Variants in RYR1 observed in about 807,000 individuals in gnomAD.
RYR1 encodes central core disease of muscle.
In RYR1, 342 loss-of-function variants were observed where a neutral mutation model predicts 583.5. The ratio of observed to expected loss-of-function variants is 0.59; its 90% CI spans 0.54 to 0.64. The LOEUF (loss-of-function observed/expected upper bound fraction) is 0.64. Ranked by LOEUF, RYR1 falls within the 30% of genes least tolerant of loss-of-function variation. The probability of loss-of-function intolerance (pLI) is 0.00; values close to 1 mark genes in which losing one functional copy is unlikely to be tolerated. For synonymous variants in RYR1, 2,791 were observed against 2,822.5 expected, an observed-to-expected ratio of 0.99 and a Z score of 0.35; for missense variants, 6,032 against 6,917.2, an observed-to-expected ratio of 0.87 and a Z score of 4.54.
chr19:38,544,129 C>T (rs1477136438), intron 87 of RYR1, among the ~76,000 whole-genome samples: 3 of 152,206 alleles, frequency 2.0e-5, no homozygotes, highest in African/African-American at 4.8e-5. Context: ...GTGTTGGCCC[C>T]GTCCCAATGG....
At chr19:38,506,577 C>T (rs1387671815) in intron 56 of RYR1, 31 bp downstream of exon 56, 1 of 1,610,322 alleles carries the variant, frequency 6.2e-7, no homozygotes, top group Admixed American at 1.7e-5. Context: ...CCCACGCTAC[C>T]CCCGTGGATT....
chr19:38,532,388 G>A (rs1971775781), intron 76 of RYR1, 102 bp from the exon 77 acceptor site: 1 of 1,151,510 alleles, frequency 8.7e-7, no homozygotes, highest in African/African-American at 1.5e-5. Context: ...CTCCCAGAGT[G>A]TTGGGATTAC....
At chr19:38,481,387 A>G (rs769599636) in intron 31 of RYR1, among the ~76,000 whole-genome samples, 2 of 151,924 alleles carry the variant, frequency 1.3e-5, no homozygotes, top group Non-Finnish European at 2.9e-5. Flanking sequence ...TCCACCTCCC[A>G]TGTAATCCCA....
At chr19:38,446,365 C>T in intron 7 of RYR1, 107 bp from the exon 8 acceptor site, 2 of 830,994 alleles carry the variant, frequency 2.4e-6, no homozygotes, top group Non-Finnish European at 4.1e-6. Flanking sequence ...CCAAACTCAG[C>T]CCTCAGGTTC....
At chr19:38,514,246 A>C (rs373385255) in intron 63 of RYR1, among the ~76,000 whole-genome samples, 2 of 151,536 alleles carry the variant, frequency 1.3e-5, no homozygotes, top group South Asian at 4.2e-4. Flanking sequence ...CCTGGGCAAC[A>C]TACTGAGACC....
chr19:38,483,233 TGTG>T lies in RYR1; in HGVS notation c.4708-52_4708-50del. 2 of 1,579,370 alleles carry T rather than the reference TGTG, an allele frequency of 1.3e-6. No homozygotes were observed. The highest frequency in any genetic ancestry group is 1.7e-6 in the Non-Finnish European group (2 of 1,159,416). Reference sequence around the variant, plus strand: ...ATCCAAGAGGTCTCCCTGGAAGTGGTGTGGTGGGACAGAGGGGGCTGGCCATCT... The same window carrying T: ...ATCCAAGAGGTCTCCCTGGAAGTGGTGTGGGACAGAGGGGGCTGGCCATCT... On this transcript the variant is annotated intron_variant, in intron 32 of 105. Coordinates refer to ENST00000359596, the MANE Select transcript of RYR1 (RefSeq NM_000540.3). The surrounding 1 kb of genome is among the most constrained non-coding windows in gnomAD (Gnocchi z 6.3).
At chr19:38,517,752 A>G in intron 66 of RYR1, 61 bp downstream of exon 66, 1 of 1,519,724 alleles carries the variant, frequency 6.6e-7, no homozygotes, top group Non-Finnish European at 9.1e-7. Context: ...CCCTTGGCAG[A>G]TGGTCTGAAA....
In RYR1 at chr19:38,543,340, TC is replaced by T; in HGVS notation, c.11690-3del. 5 of 1,613,976 alleles carry T rather than the reference TC, an allele frequency of 3.1e-6. No homozygotes were observed. Among genetic ancestry groups the T allele is most frequent in the Non-Finnish European group, 4.2e-6 (5 of 1,179,842 alleles). ...GGTGCTGGATAAATGACTTTTCATC[TC>T]CCCAGATTTCCAGAACTACCTACGG... is the stretch of plus-strand genomic sequence containing the variant. On this transcript the variant is annotated splice_region_variant and splice_polypyrimidine_tract_variant and intron_variant, in intron 84 of 105. Coordinates refer to ENST00000359596, the MANE Select transcript of RYR1 (RefSeq NM_000540.3). This position sits in a 1 kb window ranked among gnomAD's most constrained non-coding sequence, Gnocchi z 4.4.
rs1315117871 is a variant in RYR1, at chr19:38,512,930, C to T, written c.9472+447C>T. 6.6e-6 allele frequency among the ~76,000 whole-genome samples: 1 copy of T among 152,144 alleles called. No individual in the cohort carries two copies. The stretch of plus-strand genomic sequence containing the variant: ...GTTGGAGGCTGCAATGAGCTATGAT[C>T]ATACCACTGCACTCCAGCCTGGACA... On this transcript the variant is annotated intron_variant, in intron 63 of 105. Transcript: ENST00000359596. The surrounding 1 kb of genome is among the most constrained non-coding windows in gnomAD (Gnocchi z 5.1).
At chr19:38,569,985 G>A (rs1240985757) in intron 93 of RYR1, among the ~76,000 whole-genome samples, 1 of 152,172 alleles carries the variant, frequency 6.6e-6, no homozygotes, top group Non-Finnish European at 1.5e-5. Context: ...CCAACATGGT[G>A]AGACCCCGTC....
At chr19:38,573,957 A>G (rs1973842666) in intron 96 of RYR1, among the ~76,000 whole-genome samples, 1 of 151,960 alleles carries the variant, frequency 6.6e-6, no homozygotes, top group Admixed American at 6.6e-5. Flanking sequence ...ATAAAAAAAC[A>G]TGGCCAGGCA....
At position 38,500,746 on chromosome 19, in the gene RYR1, T is replaced by G; in HGVS notation, c.7444+20T>G. 6.2e-7 allele frequency: 1 copy of G among 1,614,052 alleles called. No homozygotes were observed. The highest frequency in any genetic ancestry group is 2.2e-5 in the East Asian group (1 of 44,862). ...GCAAAGGTGCAGAGGGGATGGAACT[T>G]GGCGAAGGAGTGATGCTGGGGAGGG... On this transcript the variant is annotated intron_variant, in intron 46 of 105. Transcript: ENST00000359596. The surrounding 1 kb of genome is among the most constrained non-coding windows in gnomAD (Gnocchi z 5.9).
At chr19:38,520,141 T>G (rs1168074473) in intron 67 of RYR1, among the ~76,000 whole-genome samples, 1 of 150,114 alleles carries the variant, frequency 6.7e-6, no homozygotes, top group East Asian at 2.0e-4. Flanking sequence ...TGTGGCATGA[T>G]CATGGCTTGC....
chr19:38,535,851 C>A (rs1457063489), intron 81 of RYR1, 146 bp from the exon 82 acceptor site: 2 of 770,886 alleles, frequency 2.6e-6, no homozygotes, highest in African/African-American at 3.4e-5. Flanking sequence ...TCTGCCAACT[C>A]TTCATTTCTG....
At chr19:38,576,795 G>A (rs528397557) in intron 97 of RYR1, among the ~76,000 whole-genome samples, 59 of 151,902 alleles carry the variant, frequency 3.9e-4, no homozygotes, top group Non-Finnish European at 6.3e-4. Context: ...GCGAGACTCC[G>A]TCTCAAAAAA....
rs534650223 is a variant in RYR1 at position 38,509,450 on chromosome 19, ATTTTTT to A, written c.8933-1033_8933-1028del. Among the ~76,000 whole-genome samples the A allele has an allele frequency of 7.0e-3, 732 of 104,362 alleles. 9 individuals are homozygous for A. The highest frequency in any genetic ancestry group is 0.021 in the Admixed American group (211 of 10,034). The allele number at this position is 104,362 out of a possible 152,430, so 68.5% of individuals were successfully genotyped here. ...AGCCAGTATTATTATTATTATTATT[ATTTTTT>A]TTTTTTTTTTTTTTGAGACGGAGTC... On this transcript the variant is annotated intron_variant, in intron 58 of 105. Transcript: ENST00000359596.
rs1412015231 is a variant in RYR1, at chr19:38,500,524, G to A, written c.7324-82G>A. 5.7e-6 allele frequency: 9 copies of A among 1,577,216 alleles called. 1 individual carries two copies. Among genetic ancestry groups the A allele is most frequent in the Non-Finnish European group, 7.0e-6 (8 of 1,150,904 alleles). On this transcript the variant is annotated intron_variant, in intron 45 of 105. Transcript: ENST00000359596. The surrounding 1 kb of genome is among the most constrained non-coding windows in gnomAD (Gnocchi z 5.9). ...AAAGAGGCCTGCTCTACCCTCCTGT[G>A]TGGTAAGGGAGGGAGCAGAGCAGTC... is the stretch of plus-strand genomic sequence containing the variant.
At position 38,496,471 on chromosome 19, in the gene RYR1, C is replaced by G. The variant is rs771658147; in HGVS notation, c.6726C>G (p.Ile2242Met). ...GCTTCCTCTGCTATTTCTGCCGAATCAGCCGGCAGAACCAGCGCTCCATGT... is the reference window on the plus strand; with the variant it reads ...GCTTCCTCTGCTATTTCTGCCGAATGAGCCGGCAGAACCAGCGCTCCATGT... ...CCRFLCYFCR[I>M]SRQNQRSMFD... The change falls in exon 41 of 106, where the codon ATC becomes ATG. Residue 2242 changes from isoleucine (I) to methionine (M), a missense_variant. Physicochemically the swap from Ile to Met is conservative, Grantham distance 10. Transcript: ENST00000359596. This position sits in a 1 kb window ranked among gnomAD's most constrained non-coding sequence, Gnocchi z 4.8. 2 of 1,613,748 alleles carry G rather than the reference C, an allele frequency of 1.2e-6. No individual in the cohort carries two copies. Among genetic ancestry groups the G allele is most frequent in the Admixed American group, 3.3e-5 (2 of 60,024 alleles).
chr19:38,434,841 C>A lies in RYR1; in HGVS notation c.45+967C>A, dbSNP rs1342002390. 3.3e-5 allele frequency among the ~76,000 whole-genome samples: 5 copies of A among 152,160 alleles called. No individual in the cohort carries two copies. In the South Asian group the frequency reaches 1.0e-3, roughly 32 times the overall value. On this transcript the variant is annotated intron_variant, in intron 1 of 105. Transcript: ENST00000359596. The stretch of plus-strand genomic sequence containing the variant: ...CAGACGCTAGCCCCGCCCCTCCCCC[C>A]GGGGCCCTGGAGCCACACAGGAAAT...
Sources: gnomAD v4.1 joint callset for allele counts (sites outside exome capture counted in the v4.1 genomes callset) on GRCh38, gnomAD v4.1.1 for gene constraint, Gnocchi (gnomAD v3.1) non-coding constraint, MANE v1.5 for transcripts, NCBI Gene and HGNC (gene_info 2026-07-23, HGNC 2026-07-21) for gene names.